POR: variants seen among roughly 807,000 people sequenced by gnomAD.
The protein encoded by POR is NADPH--cytochrome P450 reductase.
POR carries 56 observed loss-of-function variants against 84.0 expected under a neutral mutation model. The observed-to-expected ratio is 0.67, with a 90% CI of 0.54 to 0.83. The LOEUF (loss-of-function observed/expected upper bound fraction) is 0.83. POR is among the 40% of genes least tolerant of loss of function. The pLI, the probability that POR is intolerant of heterozygous loss-of-function variation, is 0.00. For synonymous variants in POR, 414 were observed against 400.5 expected (o/e 1.03, Z -0.40); for missense variants, 938 against 944.3 (o/e 0.99, Z 0.09).
chr7:75,927,701 C>T (rs1807200986), intron 1 of POR, among the ~76,000 whole-genome samples: 1 of 143,224 alleles, frequency 7.0e-6, no homozygotes. Flanking sequence ...GACTGACTCT[C>T]GCTCTGTGGT....
intron 1 of POR, chr7:75,946,951 C>G (rs1205966976): frequency 6.6e-6 from 1 of 152,196 alleles, no homozygotes; most frequent in Non-Finnish European, 1.5e-5. Context: ...CCAAACTGTG[C>G]CAGGGCACTG....
rs538673272 is a variant in POR, at chr7:75,936,405, T to C, written c.-4-17584T>C. ...TTATAGGCGTGAGCCACTATGCCTG[T>C]TTCTCTTGTGACAGGTGTTGGGGAC... On this transcript the variant is annotated intron_variant, in intron 1 of 15. Transcript: ENST00000461988. Among the ~76,000 whole-genome samples the C allele has an allele frequency of 2.6e-5, 4 of 151,950 alleles. No individual in the cohort carries two copies. The South Asian group carries it at 8.3e-4, about 32-fold the overall frequency.
intron 3 of POR, among the ~76,000 whole-genome samples, chr7:75,975,831 T>TTTTTTTTC (rs3043577): frequency 5.4e-5 from 8 of 148,140 alleles, no homozygotes; most frequent in Non-Finnish European, 1.2e-4. Context: ...TTTTTTTTTT[T>TTTTTTTTC]GGTAGAGACT....
intron 12 of POR, 163 bp from the exon 13 acceptor site, chr7:75,985,403 CCCGGTCCCCAGAA>C: frequency 8.8e-7 from 1 of 1,133,930 alleles, no homozygotes; most frequent in East Asian, 2.6e-5. Context: ...TCTGTCCAGC[CCCGGTCCCCAGAA>C]CCAGTCCGGG....
Position 75,985,756 on chromosome 7 carries a change from A to G in POR, c.1576A>G (p.Lys526Glu). The change falls in exon 13 of 16, where the codon AAG becomes GAG. Residue 526 changes from lysine to glutamate, a missense_variant. By Grantham distance (56) the Lys-to-Glu change is moderately conservative (BLOSUM62 1). Coordinates refer to ENST00000461988, the MANE Select transcript of POR (RefSeq NM_000941.3). ...CAAGTCCCAGTTCCGCCTGCCCTTC[A>G]AGGCCACCACGCCTGTCATCATGGT... 1 of 1,582,298 alleles carries G rather than the reference A, an allele frequency of 6.3e-7. No homozygotes were observed. Among genetic ancestry groups the G allele is most frequent in the Non-Finnish European group, 8.6e-7 (1 of 1,165,628 alleles).
intron 2 of POR, among the ~76,000 whole-genome samples, chr7:75,962,067 G>T (rs901107115): frequency 2.0e-5 from 3 of 151,708 alleles, no homozygotes; most frequent in African/African-American, 4.8e-5. Context: ...ATAACACAAC[G>T]CCATCTTCAC....
At chr7:75,951,072 C>G (rs1392702738) in intron 1 of POR, among the ~76,000 whole-genome samples, 6 of 77,098 alleles carry the variant, frequency 7.8e-5, no homozygotes, top group African/African-American at 2.3e-4. Context: ...GCCCCCCCCC[C>G]CCCCGAAAAA....
chr7:75,944,092 G>T (rs1278063691), intron 1 of POR, among the ~76,000 whole-genome samples: 1 of 152,162 alleles, frequency 6.6e-6, no homozygotes, highest in Non-Finnish European at 1.5e-5. Flanking sequence ...CCCACCCCAT[G>T]TGTCAGTGGA....
chr7:75,923,189 A>G, intron 1 of POR: 1 of 1,153,120 alleles, frequency 8.7e-7, no homozygotes, highest in Non-Finnish European at 1.3e-6. Context: ...GCCAAGGTCA[A>G]GAATAAGACC....
intron 2 of POR, among the ~76,000 whole-genome samples, chr7:75,958,745 T>C (rs1787795639): frequency 6.6e-6 from 1 of 152,046 alleles, no homozygotes; most frequent in Non-Finnish European, 1.5e-5. Context: ...TTAGGGAGGC[T>C]GAGGCACAAA....
chr7:75,934,914 G>GC (rs1807592785), intron 1 of POR, among the ~76,000 whole-genome samples: 1 of 152,200 alleles, frequency 6.6e-6, no homozygotes, highest in Non-Finnish European at 1.5e-5. Flanking sequence ...TGGGAAAGGG[G>GC]CAGACCCCTT....
At chr7:75,941,720 G>A (rs1025867466) in intron 1 of POR, among the ~76,000 whole-genome samples, 1 of 152,132 alleles carries the variant, frequency 6.6e-6, no homozygotes, top group African/African-American at 2.4e-5. Flanking sequence ...GTTCACACCT[G>A]TAATCCCAGC....
In POR at chr7:75,956,603, CCT is replaced by C. The variant is rs368939855; in HGVS notation, c.188+2424_188+2425del. On this transcript the variant is annotated intron_variant, in intron 2 of 15. Transcript: ENST00000461988. ...GTCTATAAACTCACCTAGCACTGCC[CCT>C]GAGGGATAGGAGCTGTGTAGTGTTT... 1.8e-3 allele frequency among the ~76,000 whole-genome samples: 266 copies of C among 151,920 alleles called. 13 individuals are homozygous for C. The South Asian group carries it at 0.05, about 28-fold the overall frequency.
At chr7:75,980,171 CCATG>C (rs1788932338) in intron 4 of POR, among the ~76,000 whole-genome samples, 164 bp from the exon 5 acceptor site, 1 of 152,222 alleles carries the variant, frequency 6.6e-6, no homozygotes, top group Non-Finnish European at 1.5e-5. Context: ...GCACAAATGC[CCATG>C]CCCCAGCCCC....
At chr7:75,949,587 T>C (rs1787324237) in intron 1 of POR, among the ~76,000 whole-genome samples, 2 of 152,104 alleles carry the variant, frequency 1.3e-5, no homozygotes, top group Non-Finnish European at 1.5e-5. Flanking sequence ...TGGTGTGATC[T>C]CAGCTCACTG....
chr7:75,976,882 C>T (rs1310982576), intron 3 of POR, among the ~76,000 whole-genome samples: 2 of 152,070 alleles, frequency 1.3e-5, no homozygotes, highest in Non-Finnish European at 2.9e-5. Context: ...CTCAGTCTCA[C>T]TCCTGTCACC....
intron 1 of POR, chr7:75,923,263 A>G (rs1441900528): frequency 8.4e-7 from 1 of 1,191,022 alleles, no homozygotes; most frequent in Non-Finnish European, 1.2e-6. Flanking sequence ...TGCTTGGAAG[A>G]CCTCATTCAT....
At chr7:75,932,092 T>C (rs1177405789) in intron 1 of POR, among the ~76,000 whole-genome samples, 1 of 152,210 alleles carries the variant, frequency 6.6e-6, no homozygotes, top group Non-Finnish European at 1.5e-5. Flanking sequence ...ATAAATTGCT[T>C]TTTGAAAAAT....
chr7:75,936,625 G>T (rs1394770790), intron 1 of POR, among the ~76,000 whole-genome samples: 1 of 151,962 alleles, frequency 6.6e-6, no homozygotes, highest in African/African-American at 2.4e-5. Flanking sequence ...GCTTGCTGCC[G>T]TGGACTTGCT....
Sources: gnomAD v4.1 joint callset for allele counts (sites outside exome capture counted in the v4.1 genomes callset) on GRCh38, gnomAD v4.1.1 for gene constraint, MANE v1.5 for transcripts, NCBI Gene and HGNC (gene_info 2026-07-23, HGNC 2026-07-21) for gene names.